The following TYW1 variants were observed in gnomAD, a reference collection of about 807,000 sequenced individuals.
The protein encoded by TYW1 is tRNA-yW synthesizing protein 1 homolog, also known as S-adenosyl-L-methionine-dependent tRNA 4-demethylwyosine synthase TYW1.
Under a neutral mutation model 96.2 loss-of-function variants are expected in TYW1, and 46 were observed. The ratio of observed to expected loss-of-function variants is 0.48; its 90% CI spans 0.38 to 0.61. TYW1 has a LOEUF of 0.61. TYW1 is among the 20% of genes least tolerant of loss of function. The pLI, the probability that TYW1 is intolerant of heterozygous loss-of-function variation, is 0.00. For synonymous variants in TYW1, 274 were observed against 323.0 expected, an observed-to-expected ratio of 0.85 and a Z score of 1.63; for missense variants, 684 against 909.6, an observed-to-expected ratio of 0.75 and a Z score of 3.19.
At chr7:67,017,832 C>A (rs765797043) in intron 5 of TYW1, 21 bp from the exon 6 acceptor site, 1 of 1,600,990 alleles carries the variant, frequency 6.2e-7, no homozygotes, top group Non-Finnish European at 8.5e-7. Flanking sequence ...TGCTTTTAGC[C>A]TATCTATCTT....
At chr7:67,009,870 A>G in intron 4 of TYW1, 186 bp downstream of exon 4, 1 of 600,200 alleles carries the variant, frequency 1.7e-6, no homozygotes, top group Non-Finnish European at 2.8e-6. Context: ...ACTGATTCTC[A>G]CGTGGTGTGG....
intron 7 of TYW1, among the ~76,000 whole-genome samples, chr7:67,032,625 GA>G (rs1263991067): frequency 1.3e-5 from 2 of 151,586 alleles, no homozygotes; most frequent in South Asian, 2.1e-4. Context: ...CTGTCTCAAA[GA>G]AAAAAAAGAA....
intron 11 of TYW1, among the ~76,000 whole-genome samples, chr7:67,094,893 T>C (rs1365790217): frequency 6.6e-6 from 1 of 152,146 alleles, no homozygotes; most frequent in African/African-American, 2.4e-5. Flanking sequence ...TCCTGTGGAA[T>C]GCAGGTTGTA....
Position 67,146,429 on chromosome 7 carries a change from G to A in TYW1, c.1698+28811G>A, listed in dbSNP as rs576607608. Reference sequence around the variant, plus strand: ...ATTCTTCTAGCTTCTGAGGACAAGCGAATAGGCAGATAAGGCCCCTATTTT... The same window carrying A: ...ATTCTTCTAGCTTCTGAGGACAAGCAAATAGGCAGATAAGGCCCCTATTTT... On this transcript the variant is annotated intron_variant, in intron 13 of 15. Coordinates refer to ENST00000359626, the MANE Select transcript of TYW1 (RefSeq NM_018264.4). 2.4e-4 allele frequency among the ~76,000 whole-genome samples: 36 copies of A among 149,878 alleles called. No homozygotes were observed. In the South Asian group the frequency reaches 7.3e-3, roughly 30 times the overall value.
At chr7:67,005,611 A>G (rs1215751005) in intron 3 of TYW1, among the ~76,000 whole-genome samples, 1 of 152,184 alleles carries the variant, frequency 6.6e-6, no homozygotes, top group East Asian at 1.9e-4. Flanking sequence ...AATAAAAGAC[A>G]TAGATTACCC....
chr7:67,209,809 T>C (rs770101160), intron 15 of TYW1, among the ~76,000 whole-genome samples: 4 of 152,140 alleles, frequency 2.6e-5, no homozygotes, highest in Non-Finnish European at 5.9e-5. Flanking sequence ...TGACCTCAAG[T>C]GATCCACCCG....
At chr7:67,176,856 TC>T in intron 13 of TYW1, among the ~76,000 whole-genome samples, 1 of 152,128 alleles carries the variant, frequency 6.6e-6, no homozygotes, top group Admixed American at 6.6e-5. Flanking sequence ...GGGGAGACTG[TC>T]CCGTGCATTG....
At chr7:67,201,622 G>A (rs10081381) in intron 15 of TYW1, among the ~76,000 whole-genome samples, 35,590 of 151,534 alleles carry the variant, frequency 0.23, 4,374 homozygotes, top group African/African-American at 0.29. Flanking sequence ...GGGTTGACTC[G>A]GTGACGTCAG....
intron 7 of TYW1, among the ~76,000 whole-genome samples, chr7:67,025,329 G>A (rs189754166): frequency 2.0e-5 from 3 of 151,346 alleles, no homozygotes; most frequent in African/African-American, 7.3e-5. Flanking sequence ...AAATGTCTTG[G>A]GCTACACATA....
chr7:67,032,413 G>A lies in TYW1; in HGVS notation c.984+7391G>A, dbSNP rs558847346. Reference sequence around the variant, plus strand: ...ACGGATGGATCACTTAAGCCCAGGAGTTTGAGACCAGCCTGGGCAACATGG... The same window carrying A: ...ACGGATGGATCACTTAAGCCCAGGAATTTGAGACCAGCCTGGGCAACATGG... On this transcript the variant is annotated intron_variant, in intron 7 of 15. Transcript: ENST00000359626. Among the ~76,000 whole-genome samples, 10 of 152,204 alleles carry A rather than the reference G, an allele frequency of 6.6e-5. 1 individual carries two copies. In the South Asian group the frequency reaches 2.1e-3, roughly 32 times the overall value.
intron 15 of TYW1, among the ~76,000 whole-genome samples, chr7:67,212,905 T>C (rs2421425): frequency 0.27 from 40,735 of 152,016 alleles, 5,828 homozygotes; most frequent in African/African-American, 0.36. Flanking sequence ...GACAGAGTTT[T>C]GCTCTTGTTG....
chr7:67,124,285 A>C, intron 13 of TYW1, among the ~76,000 whole-genome samples: 1 of 151,932 alleles, frequency 6.6e-6, no homozygotes, highest in Non-Finnish European at 1.5e-5. Context: ...TTTTGTGGAG[A>C]TGGTGGTTTC....
intron 15 of TYW1, among the ~76,000 whole-genome samples, chr7:67,199,758 G>A (rs1001261224): frequency 2.0e-5 from 3 of 152,052 alleles, no homozygotes; most frequent in South Asian, 2.1e-4. Context: ...CTGTCTCTCC[G>A]TTCTCTCTAA....
At chr7:67,109,062 A>G (rs1328824786) in intron 12 of TYW1, among the ~76,000 whole-genome samples, 2 of 151,574 alleles carry the variant, frequency 1.3e-5, no homozygotes, top group African/African-American at 4.8e-5. Flanking sequence ...TCACGAGGTC[A>G]GGAGATCGAG....
At chr7:67,002,146 C>T (rs200578162) in intron 3 of TYW1, among the ~76,000 whole-genome samples, 21,876 of 148,484 alleles carry the variant, frequency 0.15, 2,039 homozygotes, top group Admixed American at 0.25. Context: ...CTCTTGGGCT[C>T]CAGCGATTCT....
intron 15 of TYW1, among the ~76,000 whole-genome samples, chr7:67,231,907 C>A (rs2116447448): frequency 6.6e-6 from 1 of 151,006 alleles, no homozygotes; most frequent in South Asian, 2.1e-4. Context: ...TAAATTGGGT[C>A]TTATGGACTA....
In TYW1 at chr7:67,014,424, A is replaced by G. The variant is rs1294128350; in HGVS notation, c.433A>G (p.Thr145Ala). The change falls in exon 5 of 16, where the codon ACT becomes GCT. Residue 145 changes from threonine to alanine, a missense_variant. Transcript: ENST00000359626. ...LVATYTDGLP[T>A]ESAEWFCKWL... ...TGCGACATACACTGACGGCCTACCAACTGAAAGTGCAGAGTGGTTCTGCAA... is the reference window on the plus strand; with the variant it reads ...TGCGACATACACTGACGGCCTACCAGCTGAAAGTGCAGAGTGGTTCTGCAA... The G allele has an allele frequency of 4.3e-6, 7 of 1,613,900 alleles. No homozygotes were observed. Among genetic ancestry groups the G allele is most frequent in the African/African-American group, 2.7e-5 (2 of 75,044 alleles).
chr7:67,067,668 T>C (rs1486776835), intron 10 of TYW1, among the ~76,000 whole-genome samples: 5 of 152,252 alleles, frequency 3.3e-5, no homozygotes, highest in Admixed American at 2.0e-4. Flanking sequence ...TTATTTATAG[T>C]GATTATCGAT....
intron 13 of TYW1, among the ~76,000 whole-genome samples, chr7:67,160,520 G>T (rs1468440330): frequency 8.8e-5 from 11 of 125,490 alleles, no homozygotes; most frequent in Non-Finnish European, 5.0e-5. Context: ...CTTAAGGTAT[G>T]TGTATACATA....
Sources: allele counts gnomAD v4.1 joint callset (sites outside exome capture counted in the v4.1 genomes callset), GRCh38; gene constraint gnomAD v4.1.1; transcripts MANE v1.5; gene names NCBI Gene and HGNC (gene_info 2026-07-23, HGNC 2026-07-21).